The following EIF4ENIF1 variants were observed in gnomAD, a reference collection of about 807,000 sequenced individuals.
EIF4ENIF1 encodes eukaryotic translation initiation factor 4E transporter.
In EIF4ENIF1, 23 loss-of-function variants were observed where a neutral mutation model predicts 110.5. The ratio of observed to expected loss-of-function variants is 0.21; its 90% CI spans 0.15 to 0.29. The LOEUF (loss-of-function observed/expected upper bound fraction) is 0.29, where lower values mean the gene tolerates loss of function less well. Ranked by LOEUF, EIF4ENIF1 falls within the 10% of genes least tolerant of loss-of-function variation. The pLI is 1.00. For missense variants in EIF4ENIF1, 1,031 were observed against 1,221.1 expected, an observed-to-expected ratio of 0.84 and a Z score of 2.32; for synonymous variants, 440 against 437.0, an observed-to-expected ratio of 1.01 and a Z score of -0.09.
chr22:31,447,344 G>A, intron 14 of EIF4ENIF1, 82 bp downstream of exon 14: 1 of 1,546,458 alleles, frequency 6.5e-7, no homozygotes, highest in Non-Finnish European at 8.8e-7. Flanking sequence ...ATGTACAACA[G>A]AATTATACTG....
At chr22:31,446,105 G>A (rs993417789) in intron 14 of EIF4ENIF1, among the ~76,000 whole-genome samples, 3 of 151,470 alleles carry the variant, frequency 2.0e-5, no homozygotes, top group African/African-American at 7.3e-5. Context: ...CCAACATAGC[G>A]AAACCCCATC....
At chr22:31,461,210 G>GCC (rs2050982833) in intron 6 of EIF4ENIF1, among the ~76,000 whole-genome samples, 1 of 152,174 alleles carries the variant, frequency 6.6e-6, no homozygotes, top group Non-Finnish European at 1.5e-5. Context: ...CTAAGCAGGA[G>GCC]CCCTAGTACT....
chr22:31,490,871 C>T (rs1003776902), upstream of EIF4ENIF1, among the ~76,000 whole-genome samples: 73 of 152,224 alleles, frequency 4.8e-4, no homozygotes, highest in Non-Finnish European at 2.9e-5. Context: ...GTCTACATTT[C>T]TTCCAAGAGG....
intron 2 of EIF4ENIF1, among the ~76,000 whole-genome samples, chr22:31,480,509 G>A (rs1336668272): frequency 6.6e-6 from 1 of 152,212 alleles, no homozygotes; most frequent in East Asian, 1.9e-4. Context: ...TGTAATCCCA[G>A]CACTTTGGGA....
Position 31,444,705 on chromosome 22 carries a change from A to AT in EIF4ENIF1, c.1989-16dup, listed in dbSNP as rs2050406896. On this transcript the variant is annotated splice_polypyrimidine_tract_variant and intron_variant, in intron 14 of 18. Coordinates refer to ENST00000330125, the MANE Select transcript of EIF4ENIF1 (RefSeq NM_019843.4). ...CTCGCTGTTGCCTGTGAACAAACCA[A>AT]TTATCAGCATGAACCCCAATCTGCT... The AT allele has an allele frequency of 6.2e-7, 1 of 1,613,060 alleles. No individual in the cohort carries two copies. Among genetic ancestry groups the AT allele is most frequent in the African/African-American group, 1.3e-5 (1 of 74,870 alleles).
chr22:31,441,625 A>T, intron 17 of EIF4ENIF1, 149 bp downstream of exon 17: 1 of 593,184 alleles, frequency 1.7e-6, no homozygotes, highest in Non-Finnish European at 2.9e-6. Context: ...GATTGACTGG[A>T]TTGGGCCCAC....
rs2051250172 is a variant in EIF4ENIF1, at chr22:31,468,092, T to C, written c.298+83A>G. On this transcript the variant is annotated intron_variant, in intron 4 of 18. Coordinates refer to ENST00000330125, the MANE Select transcript of EIF4ENIF1 (RefSeq NM_019843.4). ...TGACATTTCCCCTCAAAGCATAAAA[T>C]TCTCAGAGCTAAGAATGAAACCAGC... The C allele has an allele frequency of 2.6e-6, 4 of 1,540,702 alleles. No homozygotes were observed. The African/African-American group carries it at 4.1e-5, about 16-fold the overall frequency.
At chr22:31,444,569 G>A in intron 15 of EIF4ENIF1, 37 bp downstream of exon 15, 1 of 1,593,520 alleles carries the variant, frequency 6.3e-7, no homozygotes, top group Non-Finnish European at 8.6e-7. Context: ...ACAGGGAGAA[G>A]CCTTAAAGTC....
chr22:31,491,743 A>G (rs1307378475), upstream of EIF4ENIF1, among the ~76,000 whole-genome samples: 3 of 152,042 alleles, frequency 2.0e-5, no homozygotes, highest in African/African-American at 7.2e-5. Context: ...GGATCTTGCT[A>G]TGTTGCTCAG....
intron 13 of EIF4ENIF1, among the ~76,000 whole-genome samples, 194 bp downstream of exon 13, chr22:31,447,958 AT>A (rs1569069188): frequency 6.6e-6 from 1 of 152,080 alleles, no homozygotes; most frequent in African/African-American, 2.4e-5. Flanking sequence ...TACCTGGCTC[AT>A]TTTTTAAATT....
chr22:31,477,347 CCT>C (rs1439893559), intron 2 of EIF4ENIF1, among the ~76,000 whole-genome samples: 1 of 102,392 alleles, frequency 9.8e-6, no homozygotes, highest in Non-Finnish European at 1.9e-5. Context: ...CAGAACAAGA[CCT>C]CTGTCTCCAA....
At chr22:31,493,518 G>T (rs186705735), upstream of EIF4ENIF1, among the ~76,000 whole-genome samples, 29 of 152,102 alleles carry the variant, frequency 1.9e-4, no homozygotes, top group Middle Eastern at 6.8e-3. Context: ...TAGAGATGGG[G>T]TTTCACCATG....
intron 4 of EIF4ENIF1, among the ~76,000 whole-genome samples, chr22:31,467,380 G>C (rs2051225041): frequency 6.6e-6 from 1 of 152,132 alleles, no homozygotes; most frequent in Non-Finnish European, 1.5e-5. Flanking sequence ...TTCCTTGACT[G>C]CTTTTATATT....
rs770904708 is a variant in EIF4ENIF1 at position 31,464,675 on chromosome 22, CAAAAAAAAAAAAAAAA to C, written c.299-724_299-709del. On this transcript the variant is annotated intron_variant, in intron 4 of 18. Transcript: ENST00000330125. ...TGGGCAAAAGACTAAGATTCAGTCT[CAAAAAAAAAAAAAAAA>C]AAAAAAAAATATATATATATATATA... is the stretch of plus-strand genomic sequence containing the variant. Among the ~76,000 whole-genome samples, 19 of 30,918 alleles carry C rather than the reference CAAAAAAAAAAAAAAAA, an allele frequency of 6.1e-4. 5 individuals carry two copies. The highest frequency in any genetic ancestry group is 3.2e-3 in the Admixed American group (9 of 2,826). The allele number at this position is 30,918 out of a possible 152,430, so 20.3% of individuals were successfully genotyped here.
chr22:31,471,295 G>A (rs1166848208), intron 3 of EIF4ENIF1, among the ~76,000 whole-genome samples: 1 of 151,534 alleles, frequency 6.6e-6, no homozygotes, highest in African/African-American at 2.4e-5. Context: ...CAAGACCCTG[G>A]TGAGGACTCC....
At chr22:31,479,475 T>C (rs778016721) in intron 2 of EIF4ENIF1, 1 of 152,128 alleles carries the variant, frequency 6.6e-6, no homozygotes, top group East Asian at 1.9e-4. Context: ...GTATATGTGC[T>C]GCCGAAGCAA....
At chr22:31,438,516 A>C (rs1024535551), downstream of EIF4ENIF1, among the ~76,000 whole-genome samples, 1 of 152,120 alleles carries the variant, frequency 6.6e-6, no homozygotes, top group African/African-American at 2.4e-5. Flanking sequence ...TGTTTGAGAG[A>C]AACTACCATA....
At chr22:31,461,804 G>A (rs1033990276) in intron 6 of EIF4ENIF1, 1 of 152,142 alleles carries the variant, frequency 6.6e-6, no homozygotes, top group African/African-American at 2.4e-5. Flanking sequence ...GATGAAGAAG[G>A]TAGGCTCTGA....
At chr22:31,448,927 TAAAAAAAAAATCTATAACA>T (rs2050561867) in intron 12 of EIF4ENIF1, among the ~76,000 whole-genome samples, 1 of 149,876 alleles carries the variant, frequency 6.7e-6, no homozygotes, top group Non-Finnish European at 1.5e-5. Flanking sequence ...TAGATTTCAA[TAAAAAAAAAATCTATAACA>T]TGAACATATT....
Sources: allele counts gnomAD v4.1 joint callset (sites outside exome capture counted in the v4.1 genomes callset), GRCh38; gene constraint gnomAD v4.1.1; transcripts MANE v1.5; gene names NCBI Gene and HGNC (gene_info 2026-07-23, HGNC 2026-07-21).